The following LIN52 variants were observed in gnomAD, a reference collection of about 807,000 sequenced individuals.
The protein encoded by LIN52 is lin-52 DREAM MuvB core complex component.
Under a neutral mutation model 18.5 loss-of-function variants are expected in LIN52, and 4 were observed. The ratio of observed to expected loss-of-function variants is 0.22; its 90% CI spans 0.11 to 0.49. The LOEUF (loss-of-function observed/expected upper bound fraction) is 0.49. Among genes scored for constraint, LIN52 ranks in the 20% least tolerant of loss-of-function variants. The probability of loss-of-function intolerance (pLI) is 0.97; values close to 1 mark genes in which losing one functional copy is unlikely to be tolerated. For missense variants in LIN52, 102 were observed against 139.5 expected (o/e 0.73, Z 1.35); for synonymous variants, 34 against 45.5 (o/e 0.75, Z 1.02).
chr14:74,104,460 C>T (rs1468025833), intron 5 of LIN52, among the ~76,000 whole-genome samples: 1 of 151,906 alleles, frequency 6.6e-6, no homozygotes, highest in Non-Finnish European at 1.5e-5. Flanking sequence ...TAAACCTAGT[C>T]ATTTGTTCTG....
chr14:74,188,765 G>A (rs1206289695), intron 5 of LIN52, among the ~76,000 whole-genome samples: 1 of 152,180 alleles, frequency 6.6e-6, no homozygotes, highest in Non-Finnish European at 1.5e-5. Context: ...AATGCAATTA[G>A]CATCATGTTT....
chr14:74,112,304 G>T (rs1450272511), intron 5 of LIN52, among the ~76,000 whole-genome samples: 19 of 147,186 alleles, frequency 1.3e-4, no homozygotes, highest in African/African-American at 3.8e-4. Flanking sequence ...TTGTTTGTTT[G>T]TTTTTTTTTA....
chr14:74,168,587 G>A (rs918314603), intron 5 of LIN52, among the ~76,000 whole-genome samples: 6 of 152,086 alleles, frequency 3.9e-5, no homozygotes, highest in African/African-American at 1.4e-4. Flanking sequence ...AGAATGGTGT[G>A]AACCCAGGAG....
rs137919172 is a variant in LIN52 at position 74,087,197 on chromosome 14, C to T, written c.19+2204C>T. Among the ~76,000 whole-genome samples the T allele has an allele frequency of 2.6e-3, 399 of 152,028 alleles. 1 individual carries two copies. The highest frequency in any genetic ancestry group is 6.8e-3 in the Middle Eastern group (2 of 292). Reference sequence around the variant, plus strand: ...TTGGGAGGGCGAGATGGGTGGATCACGAGGTCAGGAGATCGAGACCATCCT... The same window carrying T: ...TTGGGAGGGCGAGATGGGTGGATCATGAGGTCAGGAGATCGAGACCATCCT... On this transcript the variant is annotated intron_variant, in intron 1 of 5. Transcript: ENST00000555028.
chr14:74,162,630 G>C (rs7144073), intron 5 of LIN52, among the ~76,000 whole-genome samples: 2,241 of 152,026 alleles, frequency 0.015, 50 homozygotes, highest in African/African-American at 0.051. Context: ...ATGGGCTCAA[G>C]GGATCCACCC....
In LIN52 at chr14:74,091,293, T is replaced by C; in HGVS notation, c.81T>C (p.Leu27=). 6.2e-7 allele frequency: 1 copy of C among 1,609,024 alleles called. No individual in the cohort carries two copies. Among genetic ancestry groups the C allele is most frequent in the Non-Finnish European group, 8.5e-7 (1 of 1,175,914 alleles). Residue 27 remains leucine, a synonymous_variant, in exon 2 of 6, where the codon CTT becomes CTC. Transcript: ENST00000555028. The part of the protein sequence containing the change: ...FEKLDRASPD[L]WPEQLPGVAE... ...AACTTGACCGTGCCTCACCAGATCT[T>C]TGGCCAGAACAATGTAAGTTTTTGC...
At chr14:74,183,172 A>T (rs2061326451) in intron 5 of LIN52, among the ~76,000 whole-genome samples, 2 of 149,868 alleles carry the variant, frequency 1.3e-5, no homozygotes, top group South Asian at 4.2e-4. Context: ...ATCTCAGCTC[A>T]CTGCAAGTTT....
chr14:74,161,834 G>A (rs945419944), intron 5 of LIN52, among the ~76,000 whole-genome samples: 4 of 152,200 alleles, frequency 2.6e-5, no homozygotes, highest in African/African-American at 9.7e-5. Context: ...GCTTGTCGCT[G>A]CACAGAAGAG....
chr14:74,166,010 G>A (rs548885077), intron 5 of LIN52, among the ~76,000 whole-genome samples: 2 of 151,628 alleles, frequency 1.3e-5, no homozygotes, highest in Admixed American at 1.3e-4. Flanking sequence ...TCCTGCCTCA[G>A]CTTCCTGAGT....
At chr14:74,183,071 A>G (rs1240241505) in intron 5 of LIN52, among the ~76,000 whole-genome samples, 1 of 150,624 alleles carries the variant, frequency 6.6e-6, no homozygotes, top group African/African-American at 2.4e-5. Flanking sequence ...CATTCGTGAC[A>G]TGAAAAGTTA....
At chr14:74,156,899 T>C (rs1245830466) in intron 5 of LIN52, among the ~76,000 whole-genome samples, 1 of 152,218 alleles carries the variant, frequency 6.6e-6, no homozygotes, top group East Asian at 1.9e-4. Flanking sequence ...ATGTAGTATT[T>C]ATCTTTCCGT....
rs2078909751 is a variant in LIN52 at position 74,195,948 on chromosome 14, A to C, written c.284-2974A>C. ...CGTGCTCTGGAGCAGCCCCTGACCC[A>C]CAGCAATTTCTCTGTGCACAAAAAG... On this transcript the variant is annotated intron_variant, in intron 5 of 5. Coordinates refer to ENST00000555028, the MANE Select transcript of LIN52 (RefSeq NM_001024674.3). Among the ~76,000 whole-genome samples, 3 of 152,216 alleles carry C rather than the reference A, an allele frequency of 2.0e-5. No homozygotes were observed. In the South Asian group the frequency reaches 6.2e-4, roughly 32 times the overall value.
chr14:74,128,884 A>G (rs1278630530), intron 5 of LIN52, among the ~76,000 whole-genome samples: 2 of 152,122 alleles, frequency 1.3e-5, no homozygotes, highest in Non-Finnish European at 2.9e-5. Flanking sequence ...TGAGGTTGCA[A>G]TGAGCCAAGA....
At chr14:74,178,430 C>A (rs1595187879) in intron 5 of LIN52, among the ~76,000 whole-genome samples, 1 of 151,158 alleles carries the variant, frequency 6.6e-6, no homozygotes, top group African/African-American at 2.4e-5. Context: ...TTAGTGGGGA[C>A]TTAATTAATA....
rs71460962 is a variant in LIN52, at chr14:74,165,513, C to CTTTTTT, written c.284-33399_284-33394dup. Among the ~76,000 whole-genome samples, 218 of 110,214 alleles carry CTTTTTT rather than the reference C, an allele frequency of 2.0e-3. 20 individuals carry two copies. The highest frequency in any genetic ancestry group is 7.6e-3 in the African/African-American group (202 of 26,650). The allele number at this position is 110,214 out of a possible 152,430, so 72.3% of individuals were successfully genotyped here. On this transcript the variant is annotated intron_variant, in intron 5 of 5. Transcript: ENST00000555028. The stretch of plus-strand genomic sequence containing the variant: ...AATGGAGAATTACAGGTTTTCTTTT[C>CTTTTTT]TTTTTTTTTTTTTTTGAGACAGAGT...
chr14:74,096,956 C>T (rs1190164624), intron 3 of LIN52, among the ~76,000 whole-genome samples: 1 of 152,184 alleles, frequency 6.6e-6, no homozygotes, highest in Non-Finnish European at 1.5e-5. Context: ...GGCTTTCTTT[C>T]ATAGTTTTAA....
chr14:74,106,679 C>A (rs756923882), intron 5 of LIN52, among the ~76,000 whole-genome samples: 16 of 152,212 alleles, frequency 1.1e-4, no homozygotes, highest in Admixed American at 5.2e-4. Flanking sequence ...CAACCTCCAC[C>A]TCCCAGGCTC....
In LIN52 at chr14:74,148,541, T is replaced by TA. The variant is rs751644666; in HGVS notation, c.283+47310dup. ...CTAAAGGTGTTTGGAAAAAGTCTTA[T>TA]AAAAAAAGTGGGATATAAACGAACA... On this transcript the variant is annotated intron_variant, in intron 5 of 5. Coordinates refer to ENST00000555028, the MANE Select transcript of LIN52 (RefSeq NM_001024674.3). Among the ~76,000 whole-genome samples the TA allele has an allele frequency of 2.6e-5, 4 of 152,196 alleles. No homozygotes were observed. The South Asian group carries it at 8.3e-4, about 32-fold the overall frequency.
chr14:74,091,740 C>CTTCA (rs1241788020), intron 2 of LIN52, among the ~76,000 whole-genome samples: 2 of 132,100 alleles, frequency 1.5e-5, no homozygotes, highest in Non-Finnish European at 3.1e-5. Context: ...TGCCACTGCA[C>CTTCA]TTCAGCCTGT....
Sources: allele counts gnomAD v4.1 joint callset (sites outside exome capture counted in the v4.1 genomes callset), GRCh38; gene constraint gnomAD v4.1.1; transcripts MANE v1.5; gene names NCBI Gene and HGNC (gene_info 2026-07-23, HGNC 2026-07-21).